CEP112: variants seen among roughly 807,000 people sequenced by gnomAD.
CEP112 encodes the protein centrosomal protein of 112 kDa.
A neutral mutation model predicts 153.0 loss-of-function variants in CEP112; 127 were observed. The observed-to-expected ratio is 0.83, with a 90% CI of 0.72 to 0.96. The LOEUF (loss-of-function observed/expected upper bound fraction) is 0.96. CEP112 is among the 40% of genes least tolerant of loss of function. The pLI, the probability that CEP112 is intolerant of heterozygous loss-of-function variation, is 0.00. For synonymous variants in CEP112, 358 were observed against 374.4 expected (o/e 0.96, Z 0.51); for missense variants, 1,089 against 1,101.2 (o/e 0.99, Z 0.16).
At chr17:65,979,392 C>T (rs1049673974) in intron 17 of CEP112, among the ~76,000 whole-genome samples, 6 of 151,892 alleles carry the variant, frequency 4.0e-5, no homozygotes, top group South Asian at 2.1e-4. Flanking sequence ...CACCTCTACG[C>T]GGGTCTATTT....
chr17:65,770,319 A>G (rs1332579812), intron 21 of CEP112, among the ~76,000 whole-genome samples: 1 of 152,026 alleles, frequency 6.6e-6, no homozygotes, highest in Non-Finnish European at 1.5e-5. Context: ...AAGTCAGAGA[A>G]CAATACAATG....
At chr17:66,069,814 A>G (rs375894045) in intron 9 of CEP112, 101 bp downstream of exon 9, 2 of 641,406 alleles carry the variant, frequency 3.1e-6, no homozygotes, top group South Asian at 2.4e-5. Context: ...AAATAAGTGG[A>G]TGGATGGTTG....
chr17:66,095,601 T>G (rs974871933), intron 8 of CEP112, among the ~76,000 whole-genome samples: 1 of 152,204 alleles, frequency 6.6e-6, no homozygotes, highest in African/African-American at 2.4e-5. Flanking sequence ...TTGTACAGCA[T>G]AGTGACTTTA....
rs185490392 is a variant in CEP112, at chr17:66,168,495, A to G, written c.470+6549T>C. 2.3e-4 allele frequency among the ~76,000 whole-genome samples: 33 copies of G among 146,540 alleles called. No homozygotes were observed. The East Asian group carries it at 5.2e-3, about 23-fold the overall frequency. On this transcript the variant is annotated intron_variant, in intron 4 of 26. Transcript: ENST00000535342. ...TATATATGTATATATGTGTGTGTGT[A>G]TATATATGTATATATGTGTGTGTAT...
At chr17:65,946,058 GTTCT>G (rs2061640073) in intron 18 of CEP112, among the ~76,000 whole-genome samples, 1 of 152,134 alleles carries the variant, frequency 6.6e-6, no homozygotes, top group Non-Finnish European at 1.5e-5. Context: ...TTGATTCACA[GTTCT>G]TTATCTATTC....
In CEP112 at chr17:65,848,673, T is replaced by C. The variant is rs533223290; in HGVS notation, c.2394+3131A>G. On this transcript the variant is annotated intron_variant, in intron 21 of 26. Coordinates refer to ENST00000535342, the MANE Select transcript of CEP112 (RefSeq NM_001199165.4). Reference sequence around the variant, plus strand: ...TCCAATCCTGCCTGCTCTTGGGATATCCAGAAGCATTCTTTCAACAGCAAG... The same window carrying C: ...TCCAATCCTGCCTGCTCTTGGGATACCCAGAAGCATTCTTTCAACAGCAAG... Among the ~76,000 whole-genome samples, 490 of 152,320 alleles carry C rather than the reference T, an allele frequency of 3.2e-3. 1 individual carries two copies. The highest frequency in any genetic ancestry group is 5.6e-3 in the Non-Finnish European group (383 of 68,024).
At chr17:66,100,321 A>G (rs1220304596) in intron 6 of CEP112, among the ~76,000 whole-genome samples, 5 of 151,288 alleles carry the variant, frequency 3.3e-5, no homozygotes, top group Non-Finnish European at 2.9e-5. Flanking sequence ...AATGGCATGA[A>G]CCCTGGAGGC....
chr17:65,931,044 T>C (rs1006362220), intron 18 of CEP112, among the ~76,000 whole-genome samples: 2 of 152,210 alleles, frequency 1.3e-5, no homozygotes, highest in African/African-American at 4.8e-5. Context: ...TATGTAAGCT[T>C]TGTTTAGTAA....
chr17:65,997,445 G>A (rs1161016671), intron 17 of CEP112, among the ~76,000 whole-genome samples: 1 of 152,082 alleles, frequency 6.6e-6, no homozygotes, highest in Non-Finnish European at 1.5e-5. Flanking sequence ...TAGAGTTTTA[G>A]CTATTTCCAG....
intron 20 of CEP112, among the ~76,000 whole-genome samples, chr17:65,900,967 C>T (rs1308692269): frequency 6.6e-6 from 1 of 152,148 alleles, no homozygotes; most frequent in East Asian, 1.9e-4. Flanking sequence ...AAAACCTGTG[C>T]TGTGTATATT....
intron 4 of CEP112, among the ~76,000 whole-genome samples, chr17:66,140,752 C>G (rs2070657348): frequency 1.3e-5 from 2 of 152,230 alleles, no homozygotes; most frequent in South Asian, 4.1e-4. Context: ...AAGCAATTCT[C>G]CTGCCTCCCC....
At chr17:65,754,024 T>C (rs4791135) in intron 21 of CEP112, among the ~76,000 whole-genome samples, 89,770 of 152,016 alleles carry the variant, frequency 0.59, 28,039 homozygotes, top group East Asian at 0.78. Flanking sequence ...GCCAAGAATC[T>C]CTCTCCATTT....
intron 12 of CEP112, among the ~76,000 whole-genome samples, chr17:66,036,516 C>G (rs1218735028): frequency 1.3e-5 from 2 of 152,192 alleles, no homozygotes; most frequent in African/African-American, 4.8e-5. Context: ...ACAGCCACCA[C>G]TGAACCCTCA....
chr17:65,686,676 G>A (rs189995026), intron 24 of CEP112, among the ~76,000 whole-genome samples: 2 of 152,230 alleles, frequency 1.3e-5, no homozygotes, highest in East Asian at 3.9e-4. Context: ...TCCCATCCGA[G>A]GAGGCATTTT....
At chr17:66,089,446 C>T (rs1479663396) in intron 8 of CEP112, among the ~76,000 whole-genome samples, 1 of 151,942 alleles carries the variant, frequency 6.6e-6, no homozygotes, top group Non-Finnish European at 1.5e-5. Context: ...TTATTGAAAT[C>T]AGAAAAACAG....
intron 17 of CEP112, among the ~76,000 whole-genome samples, chr17:65,970,130 T>C (rs2062615753): frequency 6.6e-6 from 1 of 152,234 alleles, no homozygotes; most frequent in Admixed American, 6.5e-5. Context: ...GCATGTATAT[T>C]GCATTTATGT....
chr17:66,157,402 C>T (rs2146729439), intron 4 of CEP112, among the ~76,000 whole-genome samples: 1 of 152,208 alleles, frequency 6.6e-6, no homozygotes, highest in South Asian at 2.1e-4. Flanking sequence ...AACGAAAAAC[C>T]AGTACCAGCC....
chr17:65,948,716 T>G (rs1435109096), intron 18 of CEP112, among the ~76,000 whole-genome samples: 2 of 149,302 alleles, frequency 1.3e-5, no homozygotes, highest in South Asian at 4.3e-4. Flanking sequence ...ATTAGATTAT[T>G]TAAGCAATAT....
intron 24 of CEP112, among the ~76,000 whole-genome samples, chr17:65,658,094 T>C (rs2046149466): frequency 1.3e-5 from 2 of 152,256 alleles, no homozygotes; most frequent in Non-Finnish European, 2.9e-5. Context: ...GTGATGATTC[T>C]ATTTAATTCT....
Sources: gnomAD v4.1 joint callset for allele counts (sites outside exome capture counted in the v4.1 genomes callset) on GRCh38, gnomAD v4.1.1 for gene constraint, MANE v1.5 for transcripts, NCBI Gene and HGNC (gene_info 2026-07-23, HGNC 2026-07-21) for gene names.